The following GLI3 variants were observed in gnomAD, a reference collection of about 807,000 sequenced individuals.
The protein encoded by GLI3 is transcription activator GLI3.
In GLI3, 20 loss-of-function variants were observed where a neutral mutation model predicts 100.8. The observed-to-expected ratio is 0.20, with a 90% confidence interval of 0.14 to 0.29. GLI3 has a LOEUF of 0.29. Among genes scored for constraint, GLI3 ranks in the 10% least tolerant of loss-of-function variants. GLI3 has a pLI of 1.00. For synonymous variants in GLI3, 938 were observed against 860.5 expected, an observed-to-expected ratio of 1.09 and a Z score of -1.58; for missense variants, 2,040 against 2,128.5, an observed-to-expected ratio of 0.96 and a Z score of 0.82.
At chr7:42,250,880 A>G (rs1562801060) in intron 1 of GLI3, among the ~76,000 whole-genome samples, 1 of 152,194 alleles carries the variant, frequency 6.6e-6, no homozygotes, top group Non-Finnish European at 1.5e-5. Flanking sequence ...AATACACATT[A>G]GAAAAGTTGC....
Position 42,116,773 on chromosome 7 carries a change from A to T in GLI3, c.367+31453T>A, listed in dbSNP as rs535255707. ...ATCAAAACACTAATAGGATCCATAAACACAGACAGCTAAAGCTCCATCACT... is the reference window on the plus strand; with the variant it reads ...ATCAAAACACTAATAGGATCCATAATCACAGACAGCTAAAGCTCCATCACT... On this transcript the variant is annotated intron_variant, in intron 3 of 14. Coordinates refer to ENST00000395925, the MANE Select transcript of GLI3 (RefSeq NM_000168.6). Among the ~76,000 whole-genome samples, 174 of 152,130 alleles carry T rather than the reference A, an allele frequency of 1.1e-3. 4 individuals are homozygous for T. The highest frequency in any genetic ancestry group is 3.1e-3 in the Admixed American group (48 of 15,282).
chr7:42,201,806 G>A (rs557496851), intron 2 of GLI3, among the ~76,000 whole-genome samples: 126 of 152,172 alleles, frequency 8.3e-4, no homozygotes, highest in African/African-American at 2.6e-3. Flanking sequence ...CGTATTGGCC[G>A]GGCGCCATGG....
intron 10 of GLI3, among the ~76,000 whole-genome samples, chr7:42,009,110 C>T (rs1282541140): frequency 6.6e-6 from 1 of 152,188 alleles, no homozygotes; most frequent in African/African-American, 2.4e-5. Flanking sequence ...TATCATCCAC[C>T]CAACAACTAC....
At chr7:42,234,102 T>C (rs1468193240) in intron 1 of GLI3, among the ~76,000 whole-genome samples, 2 of 152,232 alleles carry the variant, frequency 1.3e-5, no homozygotes, top group Non-Finnish European at 2.9e-5. Flanking sequence ...TAATCTACTA[T>C]AGTCTAAAAG....
At chr7:42,214,662 A>G (rs1055522368) in intron 2 of GLI3, among the ~76,000 whole-genome samples, 3 of 151,158 alleles carry the variant, frequency 2.0e-5, no homozygotes, top group Non-Finnish European at 4.4e-5. Context: ...AAAGAAAAAA[A>G]AGACAAAAAA....
At chr7:42,256,172 A>T (rs934059811) in intron 1 of GLI3, among the ~76,000 whole-genome samples, 3 of 152,100 alleles carry the variant, frequency 2.0e-5, no homozygotes, top group Admixed American at 2.0e-4. Flanking sequence ...GTGTTGTAAG[A>T]GTTCTTTACA....
chr7:42,232,346 T>G (rs904559263), intron 1 of GLI3, among the ~76,000 whole-genome samples: 6 of 152,194 alleles, frequency 3.9e-5, no homozygotes, highest in African/African-American at 1.4e-4. Context: ...GGGAGGGGAC[T>G]TACCTCAAAC....
At chr7:42,198,268 G>A (rs138072631) in intron 2 of GLI3, among the ~76,000 whole-genome samples, 34 of 152,306 alleles carry the variant, frequency 2.2e-4, no homozygotes, top group African/African-American at 8.2e-4. Context: ...TAACTGCATT[G>A]AGTGATTGGT....
At position 42,160,470 on chromosome 7, in the gene GLI3, G is replaced by T. The variant is rs75702582; in HGVS notation, c.125-12002C>A. Among the ~76,000 whole-genome samples the T allele has an allele frequency of 4.6e-3, 699 of 152,270 alleles. 4 individuals are homozygous for T. The highest frequency in any genetic ancestry group is 0.015 in the African/African-American group (630 of 41,546). On this transcript the variant is annotated intron_variant, in intron 2 of 14. Coordinates refer to ENST00000395925, the MANE Select transcript of GLI3 (RefSeq NM_000168.6). ...TCATATCCATAGCCTTGGGGTCACG[G>T]CATACAATATTTCTAATAATTTTGT...
intron 4 of GLI3, among the ~76,000 whole-genome samples, chr7:42,056,975 T>G (rs555542576): frequency 1.8e-5 from 2 of 108,738 alleles, no homozygotes; most frequent in Admixed American, 9.0e-5. Flanking sequence ...AGAGCGAAAC[T>G]CCGTCTCAAA....
intron 3 of GLI3, among the ~76,000 whole-genome samples, chr7:42,104,106 C>G (rs1478877158): frequency 1.3e-5 from 2 of 152,112 alleles, no homozygotes; most frequent in Non-Finnish European, 2.9e-5. Context: ...ACGGTCTCCA[C>G]TTGAAGAAGA....
At chr7:42,133,302 T>C (rs1786339842) in intron 3 of GLI3, among the ~76,000 whole-genome samples, 1 of 152,186 alleles carries the variant, frequency 6.6e-6, no homozygotes, top group Non-Finnish European at 1.5e-5. Flanking sequence ...GTATTTTACC[T>C]TGGTCTCAGA....
Position 42,034,158 on chromosome 7 carries a change from C to T in GLI3, c.1028+5880G>A, listed in dbSNP as rs772107983. ...AAATCATGTTAATATATGCATAATC[C>T]GTTTCTTCAAAATATCATCAGGTAT... On this transcript the variant is annotated intron_variant, in intron 7 of 14. Transcript: ENST00000395925. Among the ~76,000 whole-genome samples the T allele has an allele frequency of 1.7e-4, 26 of 152,218 alleles. No homozygotes were observed. In the Middle Eastern group the frequency reaches 0.017, roughly 100 times the overall value.
upstream of GLI3, among the ~76,000 whole-genome samples, chr7:42,239,669 A>G (rs1037891889): frequency 1.3e-5 from 2 of 152,310 alleles, no homozygotes; most frequent in East Asian, 1.9e-4. Context: ...TGAATCATGA[A>G]GATCTTGATT....
chr7:42,102,290 A>T (rs1374658514), intron 3 of GLI3, among the ~76,000 whole-genome samples: 2 of 152,214 alleles, frequency 1.3e-5, no homozygotes, highest in Admixed American at 6.5e-5. Flanking sequence ...TCACTGCCCA[A>T]GACAGCCAGG....
At chr7:42,017,051 G>A (rs1788784550) in intron 10 of GLI3, among the ~76,000 whole-genome samples, 1 of 152,230 alleles carries the variant, frequency 6.6e-6, no homozygotes, top group Admixed American at 6.5e-5. Flanking sequence ...CCAGGGCTCT[G>A]CACATCTCAT....
At chr7:42,131,813 A>G (rs1786283856) in intron 3 of GLI3, among the ~76,000 whole-genome samples, 1 of 152,238 alleles carries the variant, frequency 6.6e-6, no homozygotes, top group African/African-American at 2.4e-5. Flanking sequence ...TATACAAGTA[A>G]TAATATAATA....
intron 3 of GLI3, among the ~76,000 whole-genome samples, chr7:42,104,002 G>A (rs555711411): frequency 6.6e-6 from 1 of 152,182 alleles, no homozygotes; most frequent in Non-Finnish European, 1.5e-5. Flanking sequence ...TGACTTTCTA[G>A]TATTCACTGT....
At chr7:42,059,848 G>T (rs1357448903) in intron 4 of GLI3, among the ~76,000 whole-genome samples, 4 of 152,222 alleles carry the variant, frequency 2.6e-5, no homozygotes, top group South Asian at 4.1e-4. Flanking sequence ...TTTTCCCTTG[G>T]GTAGTCCCTT....
Sources: allele counts gnomAD v4.1 joint callset (sites outside exome capture counted in the v4.1 genomes callset), GRCh38; gene constraint gnomAD v4.1.1; transcripts MANE v1.5; gene names NCBI Gene and HGNC (gene_info 2026-07-23, HGNC 2026-07-21).